The following PRSS48 variants were observed in gnomAD, a reference collection of about 807,000 sequenced individuals.
PRSS48 encodes epidermis-specific serine protease-like protein.
PRSS48 carries 21 observed loss-of-function variants against 25.6 expected under a neutral mutation model. The ratio of observed to expected loss-of-function variants is 0.82; its 90% CI spans 0.58 to 1.18. PRSS48 has a LOEUF of 1.18. Among genes scored for constraint, PRSS48 ranks in the 50% most tolerant of loss-of-function variants. The pLI is 0.00. For synonymous variants in PRSS48, 150 were observed against 149.3 expected, an observed-to-expected ratio of 1.00 and a Z score of -0.04; for missense variants, 373 against 399.3, an observed-to-expected ratio of 0.93 and a Z score of 0.56.
intron 4 of PRSS48, 35 bp from the exon 5 acceptor site, chr4:151,291,083 T>C: frequency 6.6e-7 from 1 of 1,511,924 alleles, no homozygotes. Context: ...TATGCCTCTT[T>C]TCACTATGCT....
rs1478949356 is a variant in PRSS48 at position 151,283,102 on chromosome 4, T to C, written c.482-15T>C. On this transcript the variant is annotated splice_polypyrimidine_tract_variant and intron_variant, in intron 3 of 4. Transcript: ENST00000455694. ...CTAGGTTGCTTTAATCTTTTGTTCC[T>C]GTCTTCCTCCACAGATAGAGATTAC... is the stretch of plus-strand genomic sequence containing the variant. 2 of 1,612,550 alleles carry C rather than the reference T, an allele frequency of 1.2e-6. No homozygotes were observed. The highest frequency in any genetic ancestry group is 2.2e-5 in the South Asian group (2 of 90,808).
chr4:151,284,352 T>A lies in PRSS48; in HGVS notation c.651+1066T>A, dbSNP rs140617116. 6.8e-3 allele frequency among the ~76,000 whole-genome samples: 1,032 copies of A among 152,314 alleles called. 14 individuals carry two copies. Among genetic ancestry groups the A allele is most frequent in the African/African-American group, 0.023 (968 of 41,570 alleles). The stretch of plus-strand genomic sequence containing the variant: ...TTTCTGCTGTCATTTACATTTTAAG[T>A]CCATCTAGTGAAGTTTTTATTTCAG... On this transcript the variant is annotated intron_variant, in intron 4 of 4. Transcript: ENST00000455694.
chr4:151,283,200 G>C (rs772130284), exon 4 of PRSS48: 1 of 1,613,666 alleles, frequency 6.2e-7, no homozygotes. Flanking sequence ...CAATCCCATC[G>C]GTATCTTCTT....
At chr4:151,290,597 G>T (rs546565989) in intron 4 of PRSS48, among the ~76,000 whole-genome samples, 25 of 152,298 alleles carry the variant, frequency 1.6e-4, no homozygotes, top group African/African-American at 5.5e-4. Context: ...TGATAAAAAT[G>T]TTCTAAAATG....
chr4:151,286,203 AAC>A (rs1774765208), intron 4 of PRSS48, among the ~76,000 whole-genome samples: 1 of 150,404 alleles, frequency 6.6e-6, no homozygotes, highest in Non-Finnish European at 1.5e-5. Context: ...AAAAAAAAAA[AAC>A]AACTAAACCT....
At chr4:151,289,205 C>A (rs1775099788) in intron 4 of PRSS48, among the ~76,000 whole-genome samples, 1 of 152,046 alleles carries the variant, frequency 6.6e-6, no homozygotes, top group Non-Finnish European at 1.5e-5. Context: ...GAACTTGGAC[C>A]CTGACCTCGC....
rs1561429596 is a variant in PRSS48 at position 151,283,252 on chromosome 4, C to T, written c.617C>T (p.Ala206Val). Reference sequence around the variant, plus strand: ...GTCATCAAGGAAGACAAGATTTGTGCTGGTGATACTCAAAACATGAAGGAT... The same window carrying T: ...GTCATCAAGGAAGACAAGATTTGTGTTGGTGATACTCAAAACATGAAGGAT... Residue 206 changes from alanine to valine, a missense_variant, in exon 4 of 5, where the codon GCT (alanine) becomes GTT (valine). Ala to Val is a moderately conservative substitution (Grantham distance 64, BLOSUM62 0). Coordinates refer to ENST00000455694, the Ensembl canonical transcript of PRSS48. 5 of 1,613,720 alleles carry T rather than the reference C, an allele frequency of 3.1e-6. No homozygotes were observed. In the South Asian group the frequency reaches 3.3e-5, roughly 11 times the overall value.
chr4:151,281,354 C>A (rs1774205091), intron 2 of PRSS48, among the ~76,000 whole-genome samples: 1 of 152,076 alleles, frequency 6.6e-6, no homozygotes, highest in Admixed American at 6.6e-5. Context: ...CCAATAGGAC[C>A]CAGTAGTGAA....
exon 5 of PRSS48, chr4:151,291,314 T>C (rs1487584505): frequency 2.9e-5 from 46 of 1,613,860 alleles, no homozygotes; most frequent in Non-Finnish European, 3.7e-5. Flanking sequence ...CCTATTGTCC[T>C]ACTCTCTCTG....
intron 2 of PRSS48, among the ~76,000 whole-genome samples, chr4:151,281,634 T>C (rs1413306773): frequency 2.0e-5 from 3 of 152,100 alleles, no homozygotes; most frequent in African/African-American, 7.2e-5. Context: ...TGCCTCTAAA[T>C]AGTTTGAACT....
chr4:151,282,988 A>C lies in PRSS48; in HGVS notation c.482-129A>C, dbSNP rs572648432. ...GTACCAAAAGATCCACCCATAAGCA[A>C]ATATGATTGGAAAGGCATTGTAAGC... is the stretch of plus-strand genomic sequence containing the variant. On this transcript the variant is annotated intron_variant, in intron 3 of 4. Transcript: ENST00000455694. 9.3e-5 allele frequency: 66 copies of C among 707,628 alleles called. No individual in the cohort carries two copies. In the East Asian group the frequency reaches 1.6e-3, roughly 17 times the overall value. 43.8% of individuals were successfully genotyped at this position (707,628 alleles called of 1,614,324 possible).
At chr4:151,280,058 C>G in intron 2 of PRSS48, 100 bp downstream of exon 2, 1 of 1,369,440 alleles carries the variant, frequency 7.3e-7, no homozygotes, top group Non-Finnish European at 1.0e-6. Context: ...GTAAAATAGG[C>G]AGGGCGGAAG....
chr4:151,283,508 C>T (rs1171601485), intron 4 of PRSS48, among the ~76,000 whole-genome samples: 1 of 126,540 alleles, frequency 7.9e-6, no homozygotes, highest in Non-Finnish European at 1.6e-5. Flanking sequence ...GGTCATTGGA[C>T]TTTTTTTTTT....
At chr4:151,282,503 A>G in intron 3 of PRSS48, 90 bp downstream of exon 3, 2 of 1,359,204 alleles carry the variant, frequency 1.5e-6, no homozygotes, top group Non-Finnish European at 2.0e-6. Flanking sequence ...TACCATGGAA[A>G]ATATTTTTCA....
rs774987956 is a variant in PRSS48, at chr4:151,291,124, T to A, written c.658T>A (p.Ser220Thr). The change falls in exon 5 of 5, where the codon TCT becomes ACT. Residue 220 changes from serine (S) to threonine (T), a missense_variant. Transcript: ENST00000455694. ...CCTTTCATTTCTTCCTTAGGGTGAT[T>A]CTGGAGGGCCTCTGTCGTGTCACAT... The A allele has an allele frequency of 1.9e-6, 3 of 1,609,660 alleles. No homozygotes were observed. The Admixed American group carries it at 5.0e-5, about 27-fold the overall frequency.
At chr4:151,282,703 T>C (rs148209180) in intron 3 of PRSS48, among the ~76,000 whole-genome samples, 1,634 of 152,300 alleles carry the variant, frequency 0.011, 31 homozygotes, top group African/African-American at 0.037. Context: ...GATTTAAAGT[T>C]TGGAGAGCGT....
chr4:151,282,323 C>T, exon 3 of PRSS48: 2 of 1,613,974 alleles, frequency 1.2e-6, no homozygotes, highest in Non-Finnish European at 1.7e-6. Flanking sequence ...TTCTGCCATC[C>T]TGCCTATTTG....
chr4:151,283,396 A>G (rs776714225), intron 4 of PRSS48, 110 bp downstream of exon 4: 15 of 902,040 alleles, frequency 1.7e-5, no homozygotes, highest in Non-Finnish European at 2.6e-5. Context: ...TGAGGGTTCT[A>G]AGAATAACTC....
chr4:151,283,360 A>G, intron 4 of PRSS48, 74 bp downstream of exon 4: 1 of 1,382,862 alleles, frequency 7.2e-7, no homozygotes, highest in Non-Finnish European at 1.0e-6. Flanking sequence ...CTATCTGTAA[A>G]TAACAGTGGA....
Sources: allele counts gnomAD v4.1 joint callset (sites outside exome capture counted in the v4.1 genomes callset), GRCh38; gene constraint gnomAD v4.1.1; transcripts MANE v1.5; gene names NCBI Gene and HGNC (gene_info 2026-07-23, HGNC 2026-07-21).